Variants in DLC1 observed in about 807,000 individuals in gnomAD.
The protein encoded by DLC1 is DLC1 Rho GTPase activating protein, also known as rho GTPase-activating protein 7.
DLC1 carries 54 observed loss-of-function variants against 140.3 expected under a neutral mutation model. The observed-to-expected ratio is 0.38, with a 90% CI of 0.31 to 0.48. DLC1 has a LOEUF of 0.48. DLC1 is among the 20% of genes least tolerant of loss of function. The pLI, the probability that DLC1 is intolerant of heterozygous loss-of-function variation, is 0.96. For synonymous variants in DLC1, 986 were observed against 728.1 expected (o/e 1.35, Z -5.70); for missense variants, 2,536 against 1,907.0 (o/e 1.33, Z -6.14).
chr8:13,139,770 T>C (rs1563673021), intron 5 of DLC1, among the ~76,000 whole-genome samples: 1 of 152,378 alleles, frequency 6.6e-6, no homozygotes, highest in East Asian at 1.9e-4. Flanking sequence ...CTCTGATTCT[T>C]TCGTGTGTCC....
chr8:13,522,123 G>A (rs1802784084), intron 1 of DLC1, among the ~76,000 whole-genome samples: 1 of 152,110 alleles, frequency 6.6e-6, no homozygotes, highest in South Asian at 2.1e-4. Flanking sequence ...GCTCCAAAAG[G>A]TGGGATGAGA....
chr8:13,333,997 C>T (rs1466878693), intron 4 of DLC1, among the ~76,000 whole-genome samples: 1 of 152,064 alleles, frequency 6.6e-6, no homozygotes, highest in Non-Finnish European at 1.5e-5. Context: ...GGGAAGATTG[C>T]CTAACGACAT....
intron 2 of DLC1, among the ~76,000 whole-genome samples, chr8:13,476,615 G>T (rs1054854274): frequency 6.6e-6 from 1 of 152,100 alleles, no homozygotes; most frequent in Non-Finnish European, 1.5e-5. Context: ...AAACCAGAAT[G>T]AATAGAAAGG....
At chr8:13,527,897 TG>T (rs1802970758) in intron 1 of DLC1, among the ~76,000 whole-genome samples, 1 of 152,126 alleles carries the variant, frequency 6.6e-6, no homozygotes, top group African/African-American at 2.4e-5. Context: ...TCCTTGCTTT[TG>T]CCACTTTAAG....
chr8:13,172,627 A>G (rs1476432019), intron 5 of DLC1, among the ~76,000 whole-genome samples: 1 of 152,206 alleles, frequency 6.6e-6, no homozygotes, highest in Non-Finnish European at 1.5e-5. Context: ...CAGGATGGGG[A>G]TTTGAACTTG....
At chr8:13,444,832 TAGTC>T (rs958857154) in intron 2 of DLC1, among the ~76,000 whole-genome samples, 3 of 152,184 alleles carry the variant, frequency 2.0e-5, no homozygotes, top group Admixed American at 6.5e-5. Context: ...ATTTGAAAAA[TAGTC>T]ATTTTGTTTC....
intron 5 of DLC1, among the ~76,000 whole-genome samples, chr8:13,298,008 T>C (rs755659598): frequency 2.0e-5 from 3 of 152,178 alleles, no homozygotes; most frequent in Non-Finnish European, 4.4e-5. Flanking sequence ...GGAATAAAAT[T>C]ATGAAAATTC....
At chr8:13,188,988 C>G (rs897675770) in intron 5 of DLC1, among the ~76,000 whole-genome samples, 13 of 150,538 alleles carry the variant, frequency 8.6e-5, no homozygotes, top group African/African-American at 2.9e-4. Context: ...CACACCCGGC[C>G]TTTATTAAAT....
At chr8:13,448,657 C>A (rs973317112) in intron 2 of DLC1, among the ~76,000 whole-genome samples, 1 of 152,142 alleles carries the variant, frequency 6.6e-6, no homozygotes, top group Non-Finnish European at 1.5e-5. Flanking sequence ...CCGCACCCAG[C>A]CTCCTAAAAT....
At chr8:13,501,517 A>G (rs1801818222) in intron 1 of DLC1, among the ~76,000 whole-genome samples, 1 of 152,198 alleles carries the variant, frequency 6.6e-6, no homozygotes, top group East Asian at 1.9e-4. Flanking sequence ...TATAAACAAG[A>G]TTAACTGCTA....
At chr8:13,451,058 A>G (rs1308273315) in intron 2 of DLC1, among the ~76,000 whole-genome samples, 1 of 148,330 alleles carries the variant, frequency 6.7e-6, no homozygotes, top group East Asian at 1.9e-4. Flanking sequence ...AAAAAAAAAA[A>G]AAAAAAAAAA....
intron 5 of DLC1, among the ~76,000 whole-genome samples, chr8:13,287,493 T>C (rs1831573994): frequency 6.6e-6 from 1 of 152,214 alleles, no homozygotes; most frequent in Non-Finnish European, 1.5e-5. Context: ...GTATAAAGTA[T>C]AAGAGTAGCT....
At chr8:13,383,116 G>A (rs569266586) in intron 4 of DLC1, among the ~76,000 whole-genome samples, 2 of 152,270 alleles carry the variant, frequency 1.3e-5, no homozygotes, top group South Asian at 2.1e-4. Flanking sequence ...CAAACACGGG[G>A]CATTTCATTA....
intron 1 of DLC1, among the ~76,000 whole-genome samples, chr8:13,510,019 A>G (rs1802282057): frequency 6.6e-6 from 1 of 152,108 alleles, no homozygotes; most frequent in Non-Finnish European, 1.5e-5. Flanking sequence ...GGTGATGGTG[A>G]TGGTGATGAT....
At chr8:13,354,364 C>T (rs1029068972) in intron 4 of DLC1, among the ~76,000 whole-genome samples, 3 of 152,096 alleles carry the variant, frequency 2.0e-5, no homozygotes, top group Non-Finnish European at 4.4e-5. Context: ...TTGGTGAAAG[C>T]AGGGAATGAG....
intron 2 of DLC1, among the ~76,000 whole-genome samples, chr8:13,457,676 CAAAA>C (rs34916262): frequency 1.0e-3 from 55 of 54,870 alleles, no homozygotes; most frequent in South Asian, 4.0e-3. Context: ...GACTCCATCT[CAAAA>C]AAAAAAAAAA....
Position 13,590,855 on chromosome 8 carries a change from T to C in DLC1, c.-126+13682A>G, listed in dbSNP as rs948413994. On this transcript the variant is annotated intron_variant, in intron 1 of 1. Coordinates refer to the DLC1 transcript ENST00000631382. Reference sequence around the variant, plus strand: ...TAATTAAAAATGCTTCATTTACAACTTAAGCACAAATACAAATATGTTTAC... The same window carrying C: ...TAATTAAAAATGCTTCATTTACAACCTAAGCACAAATACAAATATGTTTAC... Among the ~76,000 whole-genome samples the C allele has an allele frequency of 1.2e-4, 18 of 152,130 alleles. 1 individual carries two copies. Among genetic ancestry groups the C allele is most frequent in the African/African-American group, 4.1e-4 (17 of 41,444 alleles).
At chr8:13,243,670 T>G (rs938580825) in intron 5 of DLC1, among the ~76,000 whole-genome samples, 4 of 152,212 alleles carry the variant, frequency 2.6e-5, no homozygotes, top group African/African-American at 9.6e-5. Flanking sequence ...AAAATTGTCA[T>G]CAGTATTTGA....
intron 5 of DLC1, among the ~76,000 whole-genome samples, chr8:13,190,918 A>T (rs1446212379): frequency 6.6e-6 from 1 of 152,028 alleles, no homozygotes; most frequent in African/African-American, 2.4e-5. Flanking sequence ...TGTTCCCCTA[A>T]ACATTCATTG....
Sources: allele counts gnomAD v4.1 joint callset (sites outside exome capture counted in the v4.1 genomes callset), GRCh38; gene constraint gnomAD v4.1.1; transcripts MANE v1.5; gene names NCBI Gene and HGNC (gene_info 2026-07-23, HGNC 2026-07-21).